The following FRMD6 variants were observed in gnomAD, a reference collection of about 807,000 sequenced individuals.
FRMD6 encodes FERM domain-containing protein 6.
Under a neutral mutation model 73.2 loss-of-function variants are expected in FRMD6, and 37 were observed. The ratio of observed to expected loss-of-function variants is 0.51; its 90% CI spans 0.39 to 0.66. The LOEUF (loss-of-function observed/expected upper bound fraction) is 0.66. Ranked by LOEUF, FRMD6 falls within the 30% of genes least tolerant of loss-of-function variation. FRMD6 has a pLI of 0.00. For missense variants in FRMD6, 714 were observed against 780.5 expected (o/e 0.91, Z 1.02); for synonymous variants, 273 against 282.2 (o/e 0.97, Z 0.33).
intron 2 of FRMD6, among the ~76,000 whole-genome samples, chr14:51,576,369 C>A (rs548812642): frequency 6.6e-6 from 1 of 152,208 alleles, no homozygotes; most frequent in Non-Finnish European, 1.5e-5. Flanking sequence ...GAGGGCATGA[C>A]AACATAGAGA....
At chr14:51,454,692 C>T in the FRMD6 span, 3 of 152,196 alleles carry the variant, frequency 2.0e-5, no homozygotes, top group Non-Finnish European at 2.9e-5. Context: ...CTTTTGTTCA[C>T]GAATTCTTCT....
chr14:51,650,814 T>C (rs1283818076), upstream of FRMD6: 1 of 151,910 alleles, frequency 6.6e-6, no homozygotes, highest in Admixed American at 6.6e-5. Flanking sequence ...GGCACTCCTT[T>C]AGCGAAGGGC....
chr14:51,655,131 A>G (rs548486952), intron 1 of FRMD6, among the ~76,000 whole-genome samples: 4 of 152,174 alleles, frequency 2.6e-5, no homozygotes, highest in Non-Finnish European at 4.4e-5. Context: ...AGGTATAGCA[A>G]TTGGTCCTTG....
At position 51,704,874 on chromosome 14, in the gene FRMD6, A is replaced by T; in HGVS notation, c.497A>T (p.Asn166Ile). ...TTTGCCCTGCAGGCTGATCTTGGGA[A>T]CTTCAAAAGGAATAAGCACTATGGA... ...AAFALQADLG[N>I]FKRNKHYGKY... Residue 166 changes from asparagine (N) to isoleucine (I), a missense_variant, in exon 6 of 14, where the codon AAC (asparagine) becomes ATC (isoleucine). By Grantham distance (149) the Asn-to-Ile change is moderately radical. Coordinates refer to ENST00000344768, the MANE Select transcript of FRMD6 (RefSeq NM_001267046.2). 1 of 1,613,368 alleles carries T rather than the reference A, an allele frequency of 6.2e-7. No individual in the cohort carries two copies. The highest frequency in any genetic ancestry group is 8.5e-7 in the Non-Finnish European group (1 of 1,179,584).
At chr14:51,461,489 A>G in the FRMD6 span, among the ~76,000 whole-genome samples, 1 of 152,254 alleles carries the variant, frequency 6.6e-6, no homozygotes, top group African/African-American at 2.4e-5. Flanking sequence ...GACATTTGAT[A>G]GGAAGAAGAA....
At chr14:51,469,275 T>A in the FRMD6 span, among the ~76,000 whole-genome samples, 1 of 151,176 alleles carries the variant, frequency 6.6e-6, no homozygotes, top group Non-Finnish European at 1.5e-5. Flanking sequence ...TATTTATTTA[T>A]TTATTTTTTA....
the FRMD6 span, among the ~76,000 whole-genome samples, chr14:51,429,831 G>C: frequency 1.3e-5 from 2 of 152,170 alleles, no homozygotes; most frequent in African/African-American, 4.8e-5. Flanking sequence ...ACATTGTAAG[G>C]ATGTTGAATA....
chr14:51,688,452 AT>A (rs1566565714), intron 1 of FRMD6, among the ~76,000 whole-genome samples: 1 of 152,180 alleles, frequency 6.6e-6, no homozygotes, highest in Non-Finnish European at 1.5e-5. Context: ...CTAAGAATAT[AT>A]TCTTTCCCCT....
chr14:51,444,176 G>T, the FRMD6 span, among the ~76,000 whole-genome samples: 2 of 152,190 alleles, frequency 1.3e-5, no homozygotes, highest in African/African-American at 4.8e-5. Flanking sequence ...TGATCCACCC[G>T]CCTTGGCCTC....
At chr14:51,424,127 C>G in the FRMD6 span, among the ~76,000 whole-genome samples, 1 of 152,164 alleles carries the variant, frequency 6.6e-6, no homozygotes, top group South Asian at 2.1e-4. Flanking sequence ...GGTACATAAG[C>G]CTTGATGAGG....
intron 2 of FRMD6, among the ~76,000 whole-genome samples, chr14:51,695,016 C>T (rs1566572053): frequency 6.7e-6 from 1 of 149,848 alleles, no homozygotes; most frequent in East Asian, 1.9e-4. Context: ...ACTAGCAGAA[C>T]AATAATAAAT....
chr14:51,487,828 A>G (rs1596483698), upstream of FRMD6, among the ~76,000 whole-genome samples: 2 of 152,288 alleles, frequency 1.3e-5, no homozygotes. Flanking sequence ...CCCCACTGAT[A>G]CTGTAGAAAT....
chr14:51,565,833 A>G (rs1301837858), intron 1 of FRMD6, among the ~76,000 whole-genome samples: 1 of 152,134 alleles, frequency 6.6e-6, no homozygotes, highest in African/African-American at 2.4e-5. Flanking sequence ...GGAAAGTTTA[A>G]TGGATCTCTC....
At chr14:51,497,101 T>C (rs1327383374) in intron 1 of FRMD6, among the ~76,000 whole-genome samples, 1 of 152,184 alleles carries the variant, frequency 6.6e-6, no homozygotes, top group Non-Finnish European at 1.5e-5. Flanking sequence ...AATTGGTCCA[T>C]AGTAATTCTG....
chr14:51,494,716 G>A (rs1199532108), intron 1 of FRMD6, among the ~76,000 whole-genome samples: 1 of 152,226 alleles, frequency 6.6e-6, no homozygotes, highest in Non-Finnish European at 1.5e-5. Context: ...CCTAATGGTA[G>A]TCTATGATAA....
intron 1 of FRMD6, among the ~76,000 whole-genome samples, chr14:51,503,645 T>C (rs901848247): frequency 2.0e-5 from 3 of 151,584 alleles, no homozygotes; most frequent in Non-Finnish European, 2.9e-5. Context: ...GATTTTTGCA[T>C]TGATGTTCAT....
chr14:51,616,942 C>T (rs1480973674), intron 2 of FRMD6, among the ~76,000 whole-genome samples: 1 of 152,176 alleles, frequency 6.6e-6, no homozygotes, highest in Admixed American at 6.5e-5. Flanking sequence ...ATGTCAAGAA[C>T]TGCATTTTAT....
Position 51,728,114 on chromosome 14 carries a change from C to G in FRMD6, c.*85C>G. The stretch of plus-strand genomic sequence containing the variant: ...TAAGTTCTTTACATATTACTTGTGC[C>G]ATATCTTCTTCACCCTAAACATAGC... On this transcript the variant is annotated 3_prime_UTR_variant, in exon 14 of 14. Coordinates refer to ENST00000344768, the MANE Select transcript of FRMD6 (RefSeq NM_001267046.2). The G allele has an allele frequency of 1.6e-6, 2 of 1,254,076 alleles. No homozygotes were observed. Among genetic ancestry groups the G allele is most frequent in the Middle Eastern group, 2.9e-4 (1 of 3,454 alleles). The allele number at this position is 1,254,076 out of a possible 1,614,324, so 77.7% of individuals were successfully genotyped here.
chr14:51,597,336 C>T (rs1271698363), intron 2 of FRMD6, among the ~76,000 whole-genome samples: 1 of 152,182 alleles, frequency 6.6e-6, no homozygotes, highest in African/African-American at 2.4e-5. Flanking sequence ...GAGATTGACC[C>T]TAGCTAAAGG....
Sources: allele counts gnomAD v4.1 joint callset (sites outside exome capture counted in the v4.1 genomes callset), GRCh38; gene constraint gnomAD v4.1.1; transcripts MANE v1.5; gene names NCBI Gene and HGNC (gene_info 2026-07-23, HGNC 2026-07-21).